Variants in RNF13 observed in about 807,000 individuals in gnomAD.
RNF13 encodes the protein ring finger protein 13.
In RNF13, 19 loss-of-function variants were observed where a neutral mutation model predicts 37.7. That is an observed-to-expected ratio of 0.50 (90% CI 0.35 to 0.74). The LOEUF (loss-of-function observed/expected upper bound fraction) is 0.74, where lower values mean the gene tolerates loss of function less well. Ranked by LOEUF, RNF13 falls within the 30% of genes least tolerant of loss-of-function variation. The pLI is 0.01. For synonymous variants in RNF13, 144 were observed against 157.8 expected, an observed-to-expected ratio of 0.91 and a Z score of 0.65; for missense variants, 375 against 453.0, an observed-to-expected ratio of 0.83 and a Z score of 1.56.
At chr3:149,835,560 A>T (rs1721511378) in intron 1 of RNF13, among the ~76,000 whole-genome samples, 1 of 151,926 alleles carries the variant, frequency 6.6e-6, no homozygotes, top group South Asian at 2.1e-4. Context: ...ACTAGGAATA[A>T]TAGTTTCCAG....
chr3:149,906,522 A>C (rs1716415430), intron 6 of RNF13, among the ~76,000 whole-genome samples: 1 of 152,066 alleles, frequency 6.6e-6, no homozygotes, highest in African/African-American at 2.4e-5. Flanking sequence ...GCTTCAGAAA[A>C]ACCTGATAAG....
intron 1 of RNF13, among the ~76,000 whole-genome samples, chr3:149,825,452 C>T (rs193017295): frequency 2.2e-4 from 34 of 152,234 alleles, no homozygotes; most frequent in Admixed American, 2.0e-3. Flanking sequence ...GTATGAGCCA[C>T]CATGCCCCGC....
Position 149,917,876 on chromosome 3 carries a change from A to G in RNF13, c.607-3258A>G, listed in dbSNP as rs543622127. ...CTTTTAACAGCTTTATTGAGACATA[A>G]TTAATGTAACTTAAAATTAACTCAT... On this transcript the variant is annotated intron_variant, in intron 7 of 9. Transcript: ENST00000392894. Among the ~76,000 whole-genome samples, 14 of 152,314 alleles carry G rather than the reference A, an allele frequency of 9.2e-5. No homozygotes were observed. The South Asian group carries it at 2.9e-3, about 32-fold the overall frequency.
intron 4 of RNF13, among the ~76,000 whole-genome samples, chr3:149,883,452 A>C (rs1434618705): frequency 1.3e-5 from 2 of 151,854 alleles, no homozygotes; most frequent in Non-Finnish European, 2.9e-5. Flanking sequence ...TGTATCATCC[A>C]TTTCTCTGAG....
At chr3:149,828,073 A>T (rs922526365) in intron 1 of RNF13, among the ~76,000 whole-genome samples, 1 of 152,112 alleles carries the variant, frequency 6.6e-6, no homozygotes, top group Non-Finnish European at 1.5e-5. Flanking sequence ...ACTAAGTGCG[A>T]GTCATTGGAC....
chr3:149,871,986 A>G, intron 3 of RNF13, 43 bp from the exon 4 acceptor site: 1 of 1,519,578 alleles, frequency 6.6e-7, no homozygotes, highest in Non-Finnish European at 8.9e-7. Flanking sequence ...TGATTGATTT[A>G]CTGAGTGAAA....
chr3:149,875,693 C>T (rs915061149), intron 4 of RNF13, among the ~76,000 whole-genome samples: 1 of 152,100 alleles, frequency 6.6e-6, no homozygotes, highest in Non-Finnish European at 1.5e-5. Context: ...TGCAGCAAAA[C>T]CCATGCTCAG....
intron 1 of RNF13, among the ~76,000 whole-genome samples, chr3:149,824,786 A>G (rs1720325455): frequency 1.3e-5 from 2 of 151,960 alleles, no homozygotes. Flanking sequence ...AAAAAGCTCC[A>G]AAAGAACTAG....
chr3:149,884,323 G>A (rs1006161768), intron 4 of RNF13, among the ~76,000 whole-genome samples: 14 of 151,816 alleles, frequency 9.2e-5, no homozygotes, highest in Non-Finnish European at 1.5e-4. Flanking sequence ...CTTTACTGTA[G>A]CACTACTATT....
chr3:149,945,543 C>T (rs1720684715), intron 8 of RNF13, among the ~76,000 whole-genome samples: 1 of 152,160 alleles, frequency 6.6e-6, no homozygotes, highest in South Asian at 2.1e-4. Context: ...CTTAAATGTC[C>T]CTGTCTGACA....
At chr3:149,926,603 G>A (rs995270736) in intron 8 of RNF13, among the ~76,000 whole-genome samples, 9 of 152,066 alleles carry the variant, frequency 5.9e-5, no homozygotes, top group Non-Finnish European at 1.0e-4. Context: ...TGTCTTTTGT[G>A]TTTAATCCAC....
chr3:149,844,532 C>A (rs1010885336), intron 1 of RNF13, among the ~76,000 whole-genome samples: 1 of 152,292 alleles, frequency 6.6e-6, no homozygotes, highest in Non-Finnish European at 1.5e-5. Flanking sequence ...GTATTCAGCA[C>A]AAACCACATT....
At chr3:149,932,016 G>A (rs867772951) in intron 8 of RNF13, among the ~76,000 whole-genome samples, 1 of 151,122 alleles carries the variant, frequency 6.6e-6, no homozygotes, top group African/African-American at 2.4e-5. Context: ...AAATAACAGG[G>A]TTTTTTTTTA....
At chr3:149,879,076 C>G (rs1054680448) in intron 4 of RNF13, among the ~76,000 whole-genome samples, 10 of 152,094 alleles carry the variant, frequency 6.6e-5, no homozygotes, top group African/African-American at 2.4e-4. Flanking sequence ...AGGCCAGGCT[C>G]CAGAACCATC....
At chr3:149,953,356 T>G (rs1314766196) in intron 8 of RNF13, among the ~76,000 whole-genome samples, 1 of 152,200 alleles carries the variant, frequency 6.6e-6, no homozygotes, top group African/African-American at 2.4e-5. Flanking sequence ...ACCATCAGAA[T>G]ATATAAGAAA....
intron 5 of RNF13, among the ~76,000 whole-genome samples, chr3:149,895,789 G>A (rs1055340621): frequency 6.6e-6 from 1 of 151,548 alleles, no homozygotes; most frequent in African/African-American, 2.4e-5. Context: ...TTGATATTTT[G>A]TTAAAAACCA....
chr3:149,855,934 C>A (rs1443678355), intron 3 of RNF13, among the ~76,000 whole-genome samples: 1 of 152,096 alleles, frequency 6.6e-6, no homozygotes, highest in Non-Finnish European at 1.5e-5. Flanking sequence ...TTCTTTCATT[C>A]TATCATAAGG....
At chr3:149,878,023 T>C (rs1712947454) in intron 4 of RNF13, among the ~76,000 whole-genome samples, 1 of 152,190 alleles carries the variant, frequency 6.6e-6, no homozygotes, top group Admixed American at 6.5e-5. Context: ...AAGGTAATCT[T>C]TCATGAAAGA....
intron 3 of RNF13, among the ~76,000 whole-genome samples, chr3:149,865,253 T>C (rs944860702): frequency 6.6e-6 from 1 of 150,710 alleles, no homozygotes; most frequent in South Asian, 2.1e-4. Flanking sequence ...TATCAATGGT[T>C]ACAGTAGACT....
Sources: gnomAD v4.1 joint callset for allele counts (sites outside exome capture counted in the v4.1 genomes callset) on GRCh38, gnomAD v4.1.1 for gene constraint, MANE v1.5 for transcripts, NCBI Gene and HGNC (gene_info 2026-07-23, HGNC 2026-07-21) for gene names.